The following PAG1 variants were observed in gnomAD, a reference collection of about 807,000 sequenced individuals.
PAG1 encodes the protein phosphoprotein membrane anchor with glycosphingolipid microdomains 1.
In PAG1, 23 loss-of-function variants were observed where a neutral mutation model predicts 31.7. That is an observed-to-expected ratio of 0.73 (90% CI 0.52 to 1.03). PAG1 has a LOEUF of 1.03. Among genes scored for constraint, PAG1 ranks in the 50% least tolerant of loss-of-function variants. The pLI is 0.00. For synonymous variants in PAG1, 214 were observed against 210.3 expected, an observed-to-expected ratio of 1.02 and a Z score of -0.15; for missense variants, 473 against 540.7, an observed-to-expected ratio of 0.87 and a Z score of 1.24.
At chr8:81,019,173 T>C (rs1808120298) in intron 3 of PAG1, among the ~76,000 whole-genome samples, 1 of 152,134 alleles carries the variant, frequency 6.6e-6, no homozygotes, top group Admixed American at 6.5e-5. Context: ...GTTGAAGAAA[T>C]TTCTAAGCAG....
At chr8:81,037,673 A>C (rs979493811) in intron 2 of PAG1, among the ~76,000 whole-genome samples, 10 of 152,254 alleles carry the variant, frequency 6.6e-5, no homozygotes, top group African/African-American at 2.4e-4. Context: ...TCTAATTATT[A>C]GCTTATAAAT....
chr8:80,996,799 A>C (rs1807683172), intron 3 of PAG1, among the ~76,000 whole-genome samples: 1 of 152,086 alleles, frequency 6.6e-6, no homozygotes, highest in Non-Finnish European at 1.5e-5. Flanking sequence ...CTTTTGAGTG[A>C]GGGGAAGGTG....
intron 1 of PAG1, among the ~76,000 whole-genome samples, chr8:81,107,600 G>A (rs1350897544): frequency 6.6e-6 from 1 of 152,144 alleles, no homozygotes; most frequent in Admixed American, 6.5e-5. Flanking sequence ...ACCACACAAG[G>A]TCACAGTGAG....
chr8:81,076,138 G>A (rs1212706565), intron 1 of PAG1, among the ~76,000 whole-genome samples: 1 of 152,220 alleles, frequency 6.6e-6, no homozygotes, highest in African/African-American at 2.4e-5. Flanking sequence ...AAGAGAAAAT[G>A]CCAGCAATGA....
intron 3 of PAG1, among the ~76,000 whole-genome samples, chr8:81,028,460 A>G (rs1002578292): frequency 1.3e-5 from 2 of 152,232 alleles, no homozygotes; most frequent in African/African-American, 4.8e-5. Flanking sequence ...ACAAAGGGCA[A>G]TATCAAAGCA....
intron 1 of PAG1, among the ~76,000 whole-genome samples, chr8:81,102,261 C>T (rs1433878993): frequency 6.6e-6 from 1 of 152,082 alleles, no homozygotes; most frequent in Non-Finnish European, 1.5e-5. Context: ...TACTACAATG[C>T]ACCATGTGTA....
intron 1 of PAG1, among the ~76,000 whole-genome samples, chr8:81,092,260 A>G (rs1324727653): frequency 1.3e-5 from 2 of 150,922 alleles, no homozygotes; most frequent in Non-Finnish European, 3.0e-5. Context: ...GTGTGCACCT[A>G]TAGTTCCAGG....
intron 7 of PAG1, among the ~76,000 whole-genome samples, chr8:80,981,897 A>C (rs1213631499): frequency 1.8e-5 from 2 of 113,212 alleles, no homozygotes; most frequent in East Asian, 2.4e-4. Context: ...ACAGCGTCTC[A>C]CTCTGCCATT....
At chr8:81,004,815 A>T (rs935803728) in intron 3 of PAG1, among the ~76,000 whole-genome samples, 3 of 152,096 alleles carry the variant, frequency 2.0e-5, no homozygotes, top group Non-Finnish European at 4.4e-5. Flanking sequence ...ACTGTCCCCA[A>T]TGTGTCTGGT....
intron 1 of PAG1, among the ~76,000 whole-genome samples, chr8:81,082,598 CTATTT>C (rs1435095189): frequency 2.0e-5 from 3 of 152,140 alleles, no homozygotes; most frequent in Non-Finnish European, 4.4e-5. Context: ...GCTCTCTATT[CTATTT>C]TCTCTCTAGT....
chr8:80,991,375 G>A (rs764384727), intron 5 of PAG1, 104 bp downstream of exon 5: 53 of 856,222 alleles, frequency 6.2e-5, no homozygotes, highest in South Asian at 2.2e-4. Flanking sequence ...AGCTCTCCCC[G>A]TGGGTTCTAC....
chr8:80,992,402 G>A (rs1164072154), intron 4 of PAG1, among the ~76,000 whole-genome samples: 1 of 152,222 alleles, frequency 6.6e-6, no homozygotes, highest in Non-Finnish European at 1.5e-5. Context: ...CTGGCTGACG[G>A]TCAGCTGGTC....
In PAG1 at chr8:80,976,672, G is replaced by T; in HGVS notation, c.1171C>A (p.Gln391Lys). The stretch of plus-strand genomic sequence containing the variant: ...TTTTCTTCCTCTCTGTTGAGAGTCT[G>T]TATCGCTTCATAATCAGGCTCTGGC... ...EEPEPDYEAI[Q>K]TLNREEEKAT... Residue 391 changes from glutamine (Q) to lysine (K), a missense_variant, in exon 9 of 9, where the codon CAG becomes AAG. Coordinates refer to ENST00000220597, the MANE Select transcript of PAG1 (RefSeq NM_018440.4). The T allele has an allele frequency of 6.2e-7, 1 of 1,614,174 alleles. No individual in the cohort carries two copies. The highest frequency in any genetic ancestry group is 1.1e-5 in the South Asian group (1 of 91,080).
At chr8:80,991,956 C>T (rs1807558910) in intron 4 of PAG1, among the ~76,000 whole-genome samples, 1 of 151,712 alleles carries the variant, frequency 6.6e-6, no homozygotes, top group African/African-American at 2.4e-5. Flanking sequence ...TTTTGGCACG[C>T]CAGGAAGGGT....
At chr8:80,992,269 T>C (rs2130500948) in intron 4 of PAG1, among the ~76,000 whole-genome samples, 1 of 152,348 alleles carries the variant, frequency 6.6e-6, no homozygotes, top group South Asian at 2.1e-4. Context: ...ATTAGGAGGC[T>C]AGCTGGGTTC....
chr8:81,010,685 G>A (rs1807965729), intron 3 of PAG1, among the ~76,000 whole-genome samples: 1 of 152,142 alleles, frequency 6.6e-6, no homozygotes, highest in African/African-American at 2.4e-5. Context: ...GGCTATTTTA[G>A]CTTTTCTATT....
rs530056743 is a variant in PAG1, at chr8:81,042,064, G to C, written c.-174-11975C>G. ...TAAATGACATAGATTAGTATACTTT[G>C]CTAACTTCTGTGATTCTTCAAGATT... On this transcript the variant is annotated intron_variant, in intron 2 of 8. Transcript: ENST00000220597. Among the ~76,000 whole-genome samples, 257 of 152,276 alleles carry C rather than the reference G, an allele frequency of 1.7e-3. 1 individual carries two copies. Among genetic ancestry groups the C allele is most frequent in the Admixed American group, 6.7e-3 (103 of 15,292 alleles).
At chr8:81,026,747 C>T (rs1808287951) in intron 3 of PAG1, among the ~76,000 whole-genome samples, 1 of 152,154 alleles carries the variant, frequency 6.6e-6, no homozygotes, top group Non-Finnish European at 1.5e-5. Flanking sequence ...ACGAAGGTGT[C>T]TTCCAGGGAC....
chr8:80,976,498 T>A lies in PAG1; in HGVS notation c.*46A>T. The stretch of plus-strand genomic sequence containing the variant: ...CTTCTTCTCTTCCACAGAAGAAACG[T>A]CTCCAGACACTGATCACAGGCTACC... On this transcript the variant is annotated 3_prime_UTR_variant, in exon 9 of 9. Coordinates refer to ENST00000220597, the MANE Select transcript of PAG1 (RefSeq NM_018440.4). 1 of 1,543,520 alleles carries A rather than the reference T, an allele frequency of 6.5e-7. No homozygotes were observed. The highest frequency in any genetic ancestry group is 2.4e-4 in the Middle Eastern group (1 of 4,250).
Sources: allele counts gnomAD v4.1 joint callset (sites outside exome capture counted in the v4.1 genomes callset), GRCh38; gene constraint gnomAD v4.1.1; transcripts MANE v1.5; gene names NCBI Gene and HGNC (gene_info 2026-07-23, HGNC 2026-07-21).